Variants in AGBL1 observed in about 807,000 individuals in gnomAD.
AGBL1 encodes the protein cytosolic carboxypeptidase 4.
Under a neutral mutation model 118.9 loss-of-function variants are expected in AGBL1, and 130 were observed. The observed-to-expected ratio is 1.09, with a 90% CI of 0.95 to 1.26. The LOEUF is 1.26. Ranked by LOEUF, AGBL1 falls within the 50% of genes most tolerant of loss-of-function variation. The pLI is 0.00. For synonymous variants in AGBL1, 555 were observed against 478.9 expected, an observed-to-expected ratio of 1.16 and a Z score of -2.08; for missense variants, 1,584 against 1,298.1, an observed-to-expected ratio of 1.22 and a Z score of -3.38.
intron 22 of AGBL1, among the ~76,000 whole-genome samples, chr15:86,770,183 A>T (rs908045485): frequency 2.6e-5 from 4 of 152,022 alleles, no homozygotes; most frequent in African/African-American, 9.7e-5. Flanking sequence ...CAGATAATCT[A>T]CATGTATCTG....
At chr15:87,019,921 A>T (rs2081645268) in intron 24 of AGBL1, among the ~76,000 whole-genome samples, 1 of 152,100 alleles carries the variant, frequency 6.6e-6, no homozygotes, top group Admixed American at 6.6e-5. Flanking sequence ...GTCAGAAATG[A>T]TGAGGATATC....
At chr15:86,862,139 A>C (rs2079567452) in intron 22 of AGBL1, among the ~76,000 whole-genome samples, 1 of 152,204 alleles carries the variant, frequency 6.6e-6, no homozygotes, top group African/African-American at 2.4e-5. Context: ...ATTTGGGGTT[A>C]AGTGACATGA....
chr15:86,629,657 G>T (rs188257622), intron 21 of AGBL1, among the ~76,000 whole-genome samples: 59 of 152,256 alleles, frequency 3.9e-4, no homozygotes, highest in Non-Finnish European at 7.5e-4. Flanking sequence ...TTTTATGTTT[G>T]CATTTAGTCA....
intron 5 of AGBL1, among the ~76,000 whole-genome samples, chr15:86,218,505 T>G (rs911902934): frequency 3.3e-5 from 5 of 152,128 alleles, no homozygotes; most frequent in Non-Finnish European, 5.9e-5. Context: ...TTTCCTGCCT[T>G]TGAGGATGGG....
At chr15:86,180,420 C>A (rs994483328) in intron 5 of AGBL1, among the ~76,000 whole-genome samples, 4 of 151,954 alleles carry the variant, frequency 2.6e-5, no homozygotes, top group Non-Finnish European at 5.9e-5. Flanking sequence ...GCAAATTTCA[C>A]GGAGGAATAA....
At chr15:86,988,345 A>G (rs2081304842) in intron 24 of AGBL1, 2 of 303,824 alleles carry the variant, frequency 6.6e-6, no homozygotes, top group South Asian at 1.7e-4. Context: ...ACTATCTGCC[A>G]GTAGATGTTG....
At chr15:86,606,982 C>G (rs534335013) in intron 21 of AGBL1, among the ~76,000 whole-genome samples, 326 of 38,884 alleles carry the variant, frequency 8.4e-3, no homozygotes, top group Non-Finnish European at 0.015. Flanking sequence ...TTCCTTCTTT[C>G]CCTTGGTGGA....
chr15:86,716,566 G>A (rs76998850), intron 22 of AGBL1, among the ~76,000 whole-genome samples: 1,851 of 152,192 alleles, frequency 0.012, 27 homozygotes, highest in East Asian at 0.066. Context: ...ACTTGGAAGG[G>A]AGCAAGAAAA....
chr15:86,998,782 A>G (rs2081404014), intron 24 of AGBL1, among the ~76,000 whole-genome samples: 1 of 152,124 alleles, frequency 6.6e-6, no homozygotes, highest in African/African-American at 2.4e-5. Context: ...GCAGAAAAAG[A>G]CACTTCTGAC....
intron 18 of AGBL1, among the ~76,000 whole-genome samples, chr15:86,507,116 C>G (rs997605697): frequency 1.3e-5 from 2 of 151,974 alleles, no homozygotes; most frequent in African/African-American, 4.8e-5. Flanking sequence ...AGCCAAGCTA[C>G]TAATGATAAA....
intron 21 of AGBL1, among the ~76,000 whole-genome samples, chr15:86,580,868 A>G (rs2084163868): frequency 1.3e-5 from 2 of 152,146 alleles, no homozygotes; most frequent in Admixed American, 6.5e-5. Flanking sequence ...AATTTTCCAC[A>G]TTGCTTTGAA....
intron 22 of AGBL1, among the ~76,000 whole-genome samples, chr15:86,904,291 G>C (rs956173745): frequency 6.6e-6 from 1 of 151,808 alleles, no homozygotes; most frequent in African/African-American, 2.4e-5. Context: ...GCCCTGATAC[G>C]GTCTGCCTTT....
chr15:86,381,793 G>T (rs1390573513), intron 17 of AGBL1, among the ~76,000 whole-genome samples: 1 of 152,158 alleles, frequency 6.6e-6, no homozygotes, highest in East Asian at 1.9e-4. Context: ...GCAGAACAGA[G>T]CATATTGAAC....
At chr15:87,022,888 C>A (rs1288809755) in intron 24 of AGBL1, among the ~76,000 whole-genome samples, 1 of 151,964 alleles carries the variant, frequency 6.6e-6, no homozygotes, top group African/African-American at 2.4e-5. Context: ...AAGATACAGT[C>A]TTTTTCAGGC....
chr15:86,876,265 A>C (rs532252666), intron 22 of AGBL1, among the ~76,000 whole-genome samples: 1 of 152,190 alleles, frequency 6.6e-6, no homozygotes, highest in East Asian at 1.9e-4. Context: ...GTTGAATGGG[A>C]AGGTCACAAC....
intron 22 of AGBL1, among the ~76,000 whole-genome samples, chr15:86,760,237 GA>G (rs1323909146): frequency 6.6e-6 from 1 of 152,044 alleles, no homozygotes; most frequent in Non-Finnish European, 1.5e-5. Flanking sequence ...ACTACCTCAT[GA>G]CTAAATTGTT....
chr15:86,149,437 A>G (rs149987867), intron 3 of AGBL1, among the ~76,000 whole-genome samples: 1,973 of 152,326 alleles, frequency 0.013, 25 homozygotes, highest in East Asian at 0.063. Flanking sequence ...AAGAAGATCT[A>G]CCAAGCAAAT....
chr15:86,767,962 T>G (rs1025248297), intron 22 of AGBL1, among the ~76,000 whole-genome samples: 18 of 151,924 alleles, frequency 1.2e-4, no homozygotes, highest in African/African-American at 3.9e-4. Context: ...AAACCGTGAG[T>G]TGAGTAGAAT....
rs550636572 is a variant in AGBL1 at position 86,657,479 on chromosome 15, G to C, written c.2995-16794G>C. Among the ~76,000 whole-genome samples the C allele has an allele frequency of 4.6e-5, 7 of 152,282 alleles. No homozygotes were observed. The South Asian group carries it at 1.2e-3, about 27-fold the overall frequency. On this transcript the variant is annotated intron_variant, in intron 21 of 22. Transcript: ENST00000614907. ...AGCTATTAGATGCAGAAAATACTCT[G>C]TGTGTGTTTGTATGTACACATATTG...
Sources: gnomAD v4.1 joint callset for allele counts (sites outside exome capture counted in the v4.1 genomes callset) on GRCh38, gnomAD v4.1.1 for gene constraint, MANE v1.5 for transcripts, NCBI Gene and HGNC (gene_info 2026-07-23, HGNC 2026-07-21) for gene names.